NHS: variants seen among roughly 807,000 people sequenced by gnomAD.
NHS encodes the protein actin remodeling regulator NHS.
Under a neutral mutation model 72.5 loss-of-function variants are expected in NHS, and 5 were observed. The observed-to-expected ratio is 0.07, with a 90% CI of 0.04 to 0.14. The LOEUF (loss-of-function observed/expected upper bound fraction) is 0.14, where lower values mean the gene tolerates loss of function less well. NHS is among the 10% of genes least tolerant of loss of function. The pLI, the probability that NHS is intolerant of heterozygous loss-of-function variation, is 1.00. For missense variants in NHS, 1,072 were observed against 1,355.7 expected, an observed-to-expected ratio of 0.79 and a Z score of 3.29; for synonymous variants, 464 against 547.7, an observed-to-expected ratio of 0.85 and a Z score of 2.13.
intron 1 of NHS, among the ~76,000 whole-genome samples, chrX:17,517,380 G>A (rs1365302134): frequency 1.8e-5 from 2 of 112,251 alleles, no homozygotes; most frequent in Non-Finnish European, 3.8e-5. Context: ...GAACCTCTGA[G>A]GTTGGAGCCA....
At chrX:17,466,713 G>T (rs1408150590) in intron 1 of NHS, among the ~76,000 whole-genome samples, 1 of 111,502 alleles carries the variant, frequency 9.0e-6, no homozygotes, top group African/African-American at 3.3e-5. Flanking sequence ...CACCTCAGAG[G>T]GGGGTTTTGA....
intron 1 of NHS, among the ~76,000 whole-genome samples, chrX:17,393,144 G>A (rs1381912472): frequency 9.0e-6 from 1 of 111,530 alleles, no homozygotes; most frequent in African/African-American, 3.3e-5. Flanking sequence ...TCTAGTTCCT[G>A]TCTTTTGCTG....
At chrX:17,625,654 G>A (rs1277305465) in intron 1 of NHS, among the ~76,000 whole-genome samples, 1 of 112,136 alleles carries the variant, frequency 8.9e-6, no homozygotes, top group Non-Finnish European at 1.9e-5. Flanking sequence ...TATGATGTGA[G>A]TCATTTACGT....
chrX:17,640,045 C>A (rs1253541465), intron 1 of NHS, among the ~76,000 whole-genome samples: 1 of 111,624 alleles, frequency 9.0e-6, no homozygotes, highest in Non-Finnish European at 1.9e-5. Flanking sequence ...GTCTGAGGGG[C>A]ATAGGAGGTG....
At chrX:17,593,866 T>C (rs1429647257) in intron 1 of NHS, among the ~76,000 whole-genome samples, 1 of 111,764 alleles carries the variant, frequency 8.9e-6, no homozygotes, top group Non-Finnish European at 1.9e-5. Flanking sequence ...GATGGGAAAG[T>C]AGGTGGATGG....
At chrX:17,377,519 G>A (rs1287144088) in intron 1 of NHS, among the ~76,000 whole-genome samples, 3 of 113,258 alleles carry the variant, frequency 2.6e-5, no homozygotes, top group East Asian at 5.6e-4. Context: ...CAGCTGCGCC[G>A]GTGCGCAGTG....
chrX:17,430,332 T>G (rs904755614), intron 1 of NHS, among the ~76,000 whole-genome samples: 1 of 91,459 alleles, frequency 1.1e-5, no homozygotes, highest in Non-Finnish European at 2.1e-5. Flanking sequence ...TTCTTTCTTT[T>G]TCTTCTCTTT....
At chrX:17,729,924 A>G (rs944254010) in intron 8 of NHS, among the ~76,000 whole-genome samples, 1 of 112,150 alleles carries the variant, frequency 8.9e-6, no homozygotes, top group Non-Finnish European at 1.9e-5. Flanking sequence ...CTGGAATTCT[A>G]CTTTTTATAG....
At chrX:17,586,496 G>C (rs771244506) in intron 1 of NHS, 4 of 112,658 alleles carry the variant, frequency 3.6e-5, no homozygotes, top group African/African-American at 9.7e-5. Flanking sequence ...ACCCACATGG[G>C]ATTGACAGAA....
intron 1 of NHS, among the ~76,000 whole-genome samples, chrX:17,434,505 G>A (rs1211539286): frequency 2.0e-5 from 2 of 100,491 alleles, no homozygotes; most frequent in Non-Finnish European, 4.0e-5. Flanking sequence ...GTGCAGTGGC[G>A]CGATCTTGGT....
chrX:17,638,124 G>A (rs1167514465), intron 1 of NHS, among the ~76,000 whole-genome samples: 1 of 111,824 alleles, frequency 8.9e-6, no homozygotes, highest in South Asian at 3.8e-4. Flanking sequence ...CCCATAGTCA[G>A]TGGTCACAAA....
chrX:17,654,897 A>G (rs2065945313), intron 1 of NHS, among the ~76,000 whole-genome samples: 1 of 112,332 alleles, frequency 8.9e-6, no homozygotes, highest in Non-Finnish European at 1.9e-5. Context: ...GAGCCTACCA[A>G]CTTAAGCTAT....
At chrX:17,389,633 G>T (rs1472145963) in intron 1 of NHS, among the ~76,000 whole-genome samples, 1 of 100,548 alleles carries the variant, frequency 9.9e-6, no homozygotes, top group African/African-American at 4.5e-5. Flanking sequence ...ACAGAGTCTC[G>T]CCCTGTCATC....
chrX:17,413,688 C>T (rs1235729334), intron 1 of NHS, among the ~76,000 whole-genome samples: 4 of 112,147 alleles, frequency 3.6e-5, no homozygotes, highest in Middle Eastern at 4.6e-3. Context: ...GTACTATCTG[C>T]TCACCTGTTT....
At chrX:17,694,350 C>T (rs2066214725) in intron 3 of NHS, among the ~76,000 whole-genome samples, 1 of 112,300 alleles carries the variant, frequency 8.9e-6, no homozygotes, top group Non-Finnish European at 1.9e-5. Flanking sequence ...GAACATAGTT[C>T]AAGCTCACAA....
intron 7 of NHS, 81 bp downstream of exon 7, chrX:17,728,409 C>G: frequency 1.1e-6 from 1 of 941,298 alleles, no homozygotes; most frequent in South Asian, 2.0e-5. Flanking sequence ...CCCAATAATA[C>G]GGTACAGCCC....
chrX:17,546,468 G>A (rs1261024653), intron 1 of NHS, among the ~76,000 whole-genome samples: 1 of 112,162 alleles, frequency 8.9e-6, no homozygotes, highest in Non-Finnish European at 1.9e-5. Flanking sequence ...TTTATGTTTT[G>A]GCTACATGGT....
intron 3 of NHS, among the ~76,000 whole-genome samples, chrX:17,717,477 T>G (rs2066371260): frequency 8.9e-6 from 1 of 112,649 alleles, no homozygotes; most frequent in Non-Finnish European, 1.9e-5. Flanking sequence ...AAAGCCATGC[T>G]GTAGGATAAG....
At chrX:17,458,557 A>G (rs1030527626) in intron 1 of NHS, among the ~76,000 whole-genome samples, 6 of 110,745 alleles carry the variant, frequency 5.4e-5, no homozygotes, top group African/African-American at 2.0e-4. Flanking sequence ...CAGTGGCTTG[A>G]TATCGGCTCA....
Sources: allele counts gnomAD v4.1 joint callset (sites outside exome capture counted in the v4.1 genomes callset), GRCh38; gene constraint gnomAD v4.1.1; transcripts MANE v1.5; gene names NCBI Gene and HGNC (gene_info 2026-07-23, HGNC 2026-07-21).